The following RASGRP3 variants were observed in gnomAD, a reference collection of about 807,000 sequenced individuals.
RASGRP3 encodes the protein RAS guanyl releasing protein 3.
Under a neutral mutation model 82.7 loss-of-function variants are expected in RASGRP3, and 54 were observed. That is an observed-to-expected ratio of 0.65 (90% CI 0.52 to 0.82). The LOEUF (loss-of-function observed/expected upper bound fraction) is 0.82. RASGRP3 is among the 40% of genes least tolerant of loss of function. The probability of loss-of-function intolerance (pLI) is 0.00; values close to 1 mark genes in which losing one functional copy is unlikely to be tolerated. For missense variants in RASGRP3, 861 were observed against 828.9 expected (o/e 1.04, Z -0.48); for synonymous variants, 309 against 300.5 (o/e 1.03, Z -0.29).
At chr2:33,468,425 G>C (rs1196268883) in intron 2 of RASGRP3, among the ~76,000 whole-genome samples, 1 of 149,794 alleles carries the variant, frequency 6.7e-6, no homozygotes, top group East Asian at 1.9e-4. Context: ...TTTTTGAGAC[G>C]GAGTCTCGCT....
intron 15 of RASGRP3, among the ~76,000 whole-genome samples, chr2:33,556,784 G>C (rs955506046): frequency 6.6e-6 from 1 of 151,474 alleles, no homozygotes; most frequent in Non-Finnish European, 1.5e-5. Flanking sequence ...CACTTGCCTT[G>C]GTCTAACTTA....
chr2:33,462,018 A>G (rs540540434), intron 2 of RASGRP3, among the ~76,000 whole-genome samples: 5 of 152,366 alleles, frequency 3.3e-5, no homozygotes, highest in Non-Finnish European at 5.9e-5. Flanking sequence ...ATAACCTGGT[A>G]ATTAAAGTGA....
intron 11 of RASGRP3, among the ~76,000 whole-genome samples, chr2:33,536,970 T>C (rs77316956): frequency 0.035 from 5,258 of 152,172 alleles, 336 homozygotes; most frequent in East Asian, 0.3. Context: ...CTTAACCAGC[T>C]CAGTGGAGAG....
At chr2:33,492,439 C>A (rs1306069463) in intron 1 of RASGRP3, among the ~76,000 whole-genome samples, 1 of 152,016 alleles carries the variant, frequency 6.6e-6, no homozygotes, top group Non-Finnish European at 1.5e-5. Context: ...GGTTGAGAGC[C>A]TAGATGTGGA....
At chr2:33,462,733 C>T (rs1030444056) in intron 2 of RASGRP3, among the ~76,000 whole-genome samples, 2 of 152,132 alleles carry the variant, frequency 1.3e-5, no homozygotes, top group Non-Finnish European at 2.9e-5. Context: ...TCAAATTGCG[C>T]CCCCACCTCA....
At chr2:33,556,651 C>A (rs541658787) in intron 15 of RASGRP3, among the ~76,000 whole-genome samples, 2 of 152,226 alleles carry the variant, frequency 1.3e-5, no homozygotes, top group South Asian at 2.1e-4. Context: ...CCCAGGGATG[C>A]CTTTTTTCTC....
chr2:33,516,185 G>A (rs552254715), intron 3 of RASGRP3, among the ~76,000 whole-genome samples: 36 of 152,198 alleles, frequency 2.4e-4, no homozygotes, highest in African/African-American at 1.9e-4. Flanking sequence ...TGAGGTGGGC[G>A]GATCATGAGG....
rs371562718 is a variant in RASGRP3, at chr2:33,524,095, C to T, written c.690+43C>T. On this transcript the variant is annotated intron_variant, in intron 8 of 17. Transcript: ENST00000403687. ...ACTGGGTTCTTGAGTTCTAGATGTTCGTTCACTCTGTTGAGAAAAGTCATT... is the reference window on the plus strand; with the variant it reads ...ACTGGGTTCTTGAGTTCTAGATGTTTGTTCACTCTGTTGAGAAAAGTCATT... The T allele has an allele frequency of 7.4e-5, 118 of 1,588,016 alleles. 1 individual carries two copies. Among genetic ancestry groups the T allele is most frequent in the South Asian group, 7.8e-5 (7 of 89,632 alleles).
intron 1 of RASGRP3, among the ~76,000 whole-genome samples, chr2:33,486,854 G>A (rs77254581): frequency 2.2e-3 from 329 of 152,206 alleles, no homozygotes; most frequent in African/African-American, 7.6e-3. Flanking sequence ...AAGAGGGACG[G>A]GAGAAAAGGA....
rs753195189 is a variant in RASGRP3 at position 33,527,089 on chromosome 2, G to A, written c.808-48G>A. 2.2e-5 allele frequency: 35 copies of A among 1,596,650 alleles called. No homozygotes were observed. The African/African-American group carries it at 4.6e-4, about 21-fold the overall frequency. ...CACACATTGCAGGGCCCGGGGGTGT[G>A]CAGGAGGGAAAGTTGTTTGAAAATT... On this transcript the variant is annotated intron_variant, in intron 9 of 17. Transcript: ENST00000403687.
At chr2:33,470,221 T>C (rs1666974206) in intron 2 of RASGRP3, among the ~76,000 whole-genome samples, 1 of 152,166 alleles carries the variant, frequency 6.6e-6, no homozygotes, top group Non-Finnish European at 1.5e-5. Flanking sequence ...ATTTACAATG[T>C]TAAGTTTTCC....
chr2:33,452,976 G>C (rs1443013948), intron 2 of RASGRP3, among the ~76,000 whole-genome samples: 3 of 152,162 alleles, frequency 2.0e-5, no homozygotes, highest in African/African-American at 7.2e-5. Flanking sequence ...CGATGCTGTG[G>C]TCCATAGCAA....
chr2:33,505,265 C>G (rs180736238), intron 1 of RASGRP3, among the ~76,000 whole-genome samples: 1 of 151,834 alleles, frequency 6.6e-6, no homozygotes, highest in Non-Finnish European at 1.5e-5. Context: ...AATTTGAGAC[C>G]AGGTACTTCC....
chr2:33,543,930 A>T (rs1674502165), intron 13 of RASGRP3, among the ~76,000 whole-genome samples: 3 of 152,198 alleles, frequency 2.0e-5, no homozygotes, highest in South Asian at 2.1e-4. Context: ...TCCACCAAAA[A>T]AGAGTAGAGG....
intron 1 of RASGRP3, among the ~76,000 whole-genome samples, chr2:33,436,768 G>A (rs1558385485): frequency 1.3e-5 from 2 of 152,090 alleles, no homozygotes; most frequent in African/African-American, 2.4e-5. Flanking sequence ...ACATCTTCAG[G>A]TTTTTACAAT....
intron 1 of RASGRP3, among the ~76,000 whole-genome samples, chr2:33,502,775 A>G (rs538399595): frequency 3.9e-5 from 6 of 152,270 alleles, no homozygotes; most frequent in African/African-American, 1.4e-4. Flanking sequence ...TTGGCCTCCC[A>G]AAGTGCTGGG....
chr2:33,562,459 C>G (rs987179703), intron 17 of RASGRP3, among the ~76,000 whole-genome samples: 2 of 151,360 alleles, frequency 1.3e-5, no homozygotes, highest in Non-Finnish European at 2.9e-5. Context: ...TTTGTAGAGA[C>G]GGGGTCTTGC....
intron 1 of RASGRP3, among the ~76,000 whole-genome samples, chr2:33,498,048 C>A (rs150375879): frequency 1.3e-5 from 2 of 152,034 alleles, no homozygotes; most frequent in Admixed American, 6.6e-5. Flanking sequence ...CCTTTCTTTG[C>A]AAAATGGGTA....
At chr2:33,549,247 TG>T (rs1005781890) in intron 13 of RASGRP3, among the ~76,000 whole-genome samples, 11 of 152,198 alleles carry the variant, frequency 7.2e-5, no homozygotes, top group Non-Finnish European at 1.5e-4. Context: ...TCCTAATTCT[TG>T]CAACCTTACA....
Sources: allele counts gnomAD v4.1 joint callset (sites outside exome capture counted in the v4.1 genomes callset), GRCh38; gene constraint gnomAD v4.1.1; transcripts MANE v1.5; gene names NCBI Gene and HGNC (gene_info 2026-07-23, HGNC 2026-07-21).